TENM2: variants seen among roughly 807,000 people sequenced by gnomAD.
TENM2 encodes the protein teneurin transmembrane protein 2.
In TENM2, 52 loss-of-function variants were observed where a neutral mutation model predicts 245.2. The ratio of observed to expected loss-of-function variants is 0.21; its 90% CI spans 0.17 to 0.27. TENM2 has a LOEUF of 0.27. TENM2 is among the 10% of genes least tolerant of loss of function. TENM2 has a pLI of 1.00. For synonymous variants in TENM2, 1,363 were observed against 1,438.9 expected (o/e 0.95, Z 1.19); for missense variants, 3,046 against 3,666.8 (o/e 0.83, Z 4.37).
chr5:167,184,370 CT>C, the TENM2 span, among the ~76,000 whole-genome samples: 4 of 152,134 alleles, frequency 2.6e-5, no homozygotes, highest in Non-Finnish European at 5.9e-5. Context: ...TATAGAGGAC[CT>C]TATACCAAGT....
intron 2 of TENM2, among the ~76,000 whole-genome samples, chr5:167,859,592 T>G: frequency 1.1e-5 from 1 of 92,400 alleles, no homozygotes; most frequent in South Asian, 5.4e-4. Context: ...AGCCGCCCCG[T>G]CCGGGAGGGA....
chr5:167,354,175 T>C (rs1318299961), intron 1 of TENM2, among the ~76,000 whole-genome samples: 3 of 152,156 alleles, frequency 2.0e-5, no homozygotes, highest in African/African-American at 7.2e-5. Flanking sequence ...AGATCTGGCG[T>C]GATGGGAGAG....
intron 23 of TENM2, 21 bp from the exon 26 acceptor site, chr5:168,226,067 T>TATCTA (rs1238462854): frequency 6.2e-7 from 1 of 1,605,732 alleles, no homozygotes; most frequent in Non-Finnish European, 8.5e-7. Context: ...AGGGTTTATC[T>TATCTA]ATCTATCTAT....
intron 2 of TENM2, among the ~76,000 whole-genome samples, chr5:167,729,870 C>T (rs1442382747): frequency 3.3e-5 from 5 of 152,176 alleles, no homozygotes; most frequent in African/African-American, 7.2e-5. Context: ...GCCACCAGAC[C>T]GTGAGCACTT....
chr5:167,418,068 G>T (rs141126352), intron 2 of TENM2, among the ~76,000 whole-genome samples: 1 of 152,130 alleles, frequency 6.6e-6, no homozygotes, highest in East Asian at 1.9e-4. Context: ...GGTGGCTCAC[G>T]CCTGTAATCC....
chr5:167,647,215 A>G (rs1233010549), intron 2 of TENM2, among the ~76,000 whole-genome samples: 3 of 152,236 alleles, frequency 2.0e-5, no homozygotes, highest in African/African-American at 7.2e-5. Flanking sequence ...ACGACCAGAC[A>G]GAGGGAAGGC....
At chr5:167,123,257 T>A in the TENM2 span, among the ~76,000 whole-genome samples, 1 of 151,858 alleles carries the variant, frequency 6.6e-6, no homozygotes, top group African/African-American at 2.4e-5. Flanking sequence ...GCGGCAGAGG[T>A]TGCGGTGAGC....
chr5:167,179,655 C>A, the TENM2 span, among the ~76,000 whole-genome samples: 1 of 152,074 alleles, frequency 6.6e-6, no homozygotes, highest in African/African-American at 2.4e-5. Flanking sequence ...CATTTCTTGA[C>A]CTGACTTCAT....
intron 2 of TENM2, among the ~76,000 whole-genome samples, chr5:167,774,455 G>A (rs1319218998): frequency 2.6e-5 from 4 of 152,154 alleles, no homozygotes; most frequent in Admixed American, 2.0e-4. Context: ...AGACCTAGAC[G>A]TGGATGCATT....
chr5:167,251,235 C>T, the TENM2 span, among the ~76,000 whole-genome samples: 4 of 151,962 alleles, frequency 2.6e-5, no homozygotes, highest in Non-Finnish European at 4.4e-5. Flanking sequence ...GAACTGGCTG[C>T]GTAATTGCAG....
chr5:167,477,799 T>C (rs1235779185), intron 2 of TENM2, among the ~76,000 whole-genome samples: 2 of 151,332 alleles, frequency 1.3e-5, no homozygotes, highest in South Asian at 2.1e-4. Flanking sequence ...GATAGACAGA[T>C]AGACAGATAG....
rs113513566 is a variant in TENM2, at chr5:168,097,004, G to A, written c.1712-1022G>A. 7.6e-3 allele frequency among the ~76,000 whole-genome samples: 1,155 copies of A among 152,262 alleles called. 19 individuals carry two copies. The highest frequency in any genetic ancestry group is 0.026 in the African/African-American group (1,090 of 41,548). On this transcript the variant is annotated intron_variant, in intron 8 of 28. Coordinates refer to ENST00000518659, the Ensembl canonical transcript of TENM2. ...AATCACAAGATAAGACGGTGATGCA[G>A]GTTAGAGCCAAATGTGAACTAATTC...
intron 25 of TENM2, among the ~76,000 whole-genome samples, chr5:168,240,007 C>T (rs1345341854): frequency 6.6e-6 from 1 of 152,122 alleles, no homozygotes; most frequent in East Asian, 1.9e-4. Context: ...CACTTGAGGT[C>T]AGGAGTTTGA....
At chr5:168,142,563 T>C (rs1289884668) in intron 12 of TENM2, among the ~76,000 whole-genome samples, 1 of 152,238 alleles carries the variant, frequency 6.6e-6, no homozygotes, top group African/African-American at 2.4e-5. Flanking sequence ...TTTGAGGTGA[T>C]AGGGCAGAGG....
chr5:167,242,289 A>G, the TENM2 span, among the ~76,000 whole-genome samples: 1 of 151,974 alleles, frequency 6.6e-6, no homozygotes, highest in African/African-American at 2.4e-5. Context: ...ACCTCAGGTG[A>G]TCTGTCTGCC....
At chr5:167,700,547 G>A (rs1341079906) in intron 2 of TENM2, among the ~76,000 whole-genome samples, 4 of 152,172 alleles carry the variant, frequency 2.6e-5, no homozygotes, top group Non-Finnish European at 5.9e-5. Context: ...GCCAGGAAGG[G>A]ACTGAGCTGG....
chr5:167,907,545 A>ATATATATATG (rs1583332181), intron 3 of TENM2, among the ~76,000 whole-genome samples: 1 of 89,334 alleles, frequency 1.1e-5, no homozygotes, highest in East Asian at 3.8e-4. Context: ...ATATATATAT[A>ATATATATATG]TATATATATA....
At chr5:168,157,690 G>T (rs1041695872) in intron 12 of TENM2, among the ~76,000 whole-genome samples, 6 of 152,180 alleles carry the variant, frequency 3.9e-5, no homozygotes, top group Admixed American at 2.0e-4. Flanking sequence ...GGGCAATGGG[G>T]TAGATACCTG....
At chr5:167,016,285 A>C in the TENM2 span, among the ~76,000 whole-genome samples, 199 of 139,102 alleles carry the variant, frequency 1.4e-3, no homozygotes, top group African/African-American at 5.3e-3. Flanking sequence ...AACAAACAAA[A>C]AAAAAAAAAA....
Sources: allele counts gnomAD v4.1 joint callset (sites outside exome capture counted in the v4.1 genomes callset), GRCh38; gene constraint gnomAD v4.1.1; transcripts MANE v1.5; gene names NCBI Gene and HGNC (gene_info 2026-07-23, HGNC 2026-07-21).